The following CLCN7 variants were observed in gnomAD, a reference collection of about 807,000 sequenced individuals.
CLCN7 encodes H(+)/Cl(-) exchange transporter 7.
Under a neutral mutation model 102.1 loss-of-function variants are expected in CLCN7, and 60 were observed. The observed-to-expected ratio is 0.59, with a 90% CI of 0.48 to 0.73. The LOEUF is 0.73. CLCN7 is among the 30% of genes least tolerant of loss of function. The pLI is 0.00. For missense variants in CLCN7, 962 were observed against 1,125.7 expected, an observed-to-expected ratio of 0.85 and a Z score of 2.08; for synonymous variants, 560 against 490.5, an observed-to-expected ratio of 1.14 and a Z score of -1.87.
At chr16:1,450,708 C>A in intron 16 of CLCN7, 42 bp from the exon 17 acceptor site, 1 of 1,191,550 alleles carries the variant, frequency 8.4e-7, no homozygotes. Flanking sequence ...ACGACTCCCG[C>A]CTCCGCAGGA....
chr16:1,474,655 C>T (rs1350455013), intron 1 of CLCN7, among the ~76,000 whole-genome samples, 179 bp downstream of exon 1: 1 of 151,922 alleles, frequency 6.6e-6, no homozygotes, highest in African/African-American at 2.4e-5. Context: ...AGACTCCAGA[C>T]CCCAGGCGCC....
At chr16:1,465,217 G>A (rs746292674) in intron 2 of CLCN7, 50 bp downstream of exon 2, 3 of 1,568,694 alleles carry the variant, frequency 1.9e-6, no homozygotes, top group Non-Finnish European at 1.8e-6. Context: ...GTCACCCTCT[G>A]CTAAGATGCA....
intron 1 of CLCN7, chr16:1,471,563 G>C (rs1029077665): frequency 6.6e-6 from 1 of 152,274 alleles, no homozygotes; most frequent in East Asian, 1.9e-4. Flanking sequence ...GGACAGGAAA[G>C]TCACAACGAA....
intron 12 of CLCN7, among the ~76,000 whole-genome samples, chr16:1,454,760 C>A (rs751488031): frequency 1.3e-5 from 2 of 152,214 alleles, no homozygotes; most frequent in African/African-American, 4.8e-5. Flanking sequence ...CAGTTTCCTG[C>A]GCACAGAGCC....
At chr16:1,453,013 G>GTT in intron 14 of CLCN7, 120 bp from the exon 15 acceptor site, 1 of 1,417,484 alleles carries the variant, frequency 7.1e-7, no homozygotes, top group South Asian at 1.2e-5. Flanking sequence ...TTGTTTGTTT[G>GTT]TTTTTGTTTT....
chr16:1,446,700 G>A lies in CLCN7; in HGVS notation c.2349C>T (p.Thr783=), dbSNP rs1481060240. The change falls in exon 25 of 25, where the codon ACC becomes ACT. Residue 783 remains threonine (T), a synonymous_variant. Coordinates refer to ENST00000382745, the MANE Select transcript of CLCN7 (RefSeq NM_001287.6). ...DNRNQVVGLV[T]RKDLARYRLG... is the part of the protein sequence containing the mutation. ...GGCGGTACCTGGCGAGGTCCTTCCT[G>A]GTCACCAACCCGACAACCTGCAGGA... is the stretch of plus-strand genomic sequence containing the variant. The A allele has an allele frequency of 1.3e-6, 2 of 1,589,652 alleles. No individual in the cohort carries two copies. The highest frequency in any genetic ancestry group is 3.5e-5 in the Admixed American group (2 of 57,734).
intron 1 of CLCN7, among the ~76,000 whole-genome samples, chr16:1,468,232 C>T (rs571098925): frequency 9.0e-4 from 137 of 152,346 alleles, no homozygotes; most frequent in African/African-American, 3.1e-3. Flanking sequence ...TGCATTCAGG[C>T]CAAGGTGAAG....
At chr16:1,449,622 A>G (rs904949165) in intron 17 of CLCN7, 1 of 491,796 alleles carries the variant, frequency 2.0e-6, no homozygotes, top group African/African-American at 2.3e-5. Flanking sequence ...ACCGTCCAGC[A>G]TGAGGAGTGA....
rs1156618681 is a variant in CLCN7, at chr16:1,460,937, C to T, written c.363G>A (p.Thr121=). The T allele has an allele frequency of 1.4e-5, 23 of 1,613,392 alleles. No homozygotes were observed. Among genetic ancestry groups the T allele is most frequent in the South Asian group, 5.5e-5 (5 of 91,084 alleles). The part of the protein sequence containing the change: ...ERRINHTAFR[T]VEIKRWVICA... ...AGATGACCCAGCGCTTGATCTCCAC[C>T]GTCCGGAAGGCCTGCAGGGCGCGGT... is the stretch of plus-strand genomic sequence containing the variant. The change falls in exon 5 of 25, where the codon ACG becomes ACA. Residue 121 remains threonine, a synonymous_variant. Transcript: ENST00000382745.
chr16:1,456,173 G>A lies in CLCN7; in HGVS notation c.856C>T (p.Arg286Trp), dbSNP rs1291061962. ...FEYFRRDTEKRDFVSAGAAAG... is the reference protein window; with the variant it reads ...FEYFRRDTEKWDFVSAGAAAG... Reference sequence around the variant, plus strand: ...GCAGCCCCTGCGGAGACGAAGTCCCGCTTCTCTGTGTCTCTGCGGAAGTAC... The same window carrying A: ...GCAGCCCCTGCGGAGACGAAGTCCCACTTCTCTGTGTCTCTGCGGAAGTAC... Residue 286 changes from arginine (R) to tryptophan (W), a missense_variant, in exon 10 of 25, where the codon CGG becomes TGG. Around this residue, in one of 2 missense-constraint regions of CLCN7, gnomAD observed 799 missense variants for 988.0 expected, o/e 0.81. Coordinates refer to ENST00000382745, the MANE Select transcript of CLCN7 (RefSeq NM_001287.6). The A allele has an allele frequency of 1.9e-6, 3 of 1,567,740 alleles. No individual in the cohort carries two copies. Among genetic ancestry groups the A allele is most frequent in the Non-Finnish European group, 2.6e-6 (3 of 1,155,622 alleles).
At chr16:1,464,724 G>A (rs536181003) in intron 2 of CLCN7, among the ~76,000 whole-genome samples, 75 of 152,294 alleles carry the variant, frequency 4.9e-4, no homozygotes, top group Non-Finnish European at 7.6e-4. Context: ...CAGGAGTCCC[G>A]CACAGACATC....
chr16:1,447,801 T>C (rs1397427325), intron 21 of CLCN7, 87 bp from the exon 22 acceptor site: 4 of 1,427,968 alleles, frequency 2.8e-6, no homozygotes, highest in Non-Finnish European at 3.8e-6. Flanking sequence ...TCTGACCCTG[T>C]TCCGGCCAGA....
intron 23 of CLCN7, 137 bp from the exon 24 acceptor site, chr16:1,447,223 C>T: frequency 1.7e-6 from 2 of 1,162,090 alleles, no homozygotes; most frequent in Admixed American, 2.0e-5. Flanking sequence ...GGCCAGCCCC[C>T]TCAGCCCCTT....
chr16:1,466,333 C>T (rs1483067835), intron 1 of CLCN7, among the ~76,000 whole-genome samples: 2 of 152,204 alleles, frequency 1.3e-5, no homozygotes, highest in African/African-American at 2.4e-5. Flanking sequence ...TCCTCAGGCT[C>T]GGCCTCCCGC....
At chr16:1,458,767 C>T (rs2142384749) in intron 7 of CLCN7, among the ~76,000 whole-genome samples, 1 of 152,350 alleles carries the variant, frequency 6.6e-6, no homozygotes, top group South Asian at 2.1e-4. Context: ...CGGGAAACTG[C>T]TACACGCCCA....
rs749075927 is a variant in CLCN7 at position 1,452,776 on chromosome 16, G to A, written c.1332C>T (p.Gly444=). ...SSRDCQPLQG[G]SMSYPLQLFC... is the part of the protein sequence containing the mutation. ...CCACCTGCAGCGGGTAGGACATGGA[G>A]CCCCCCTGCAGGGGCTGGCAATCCC... The change falls in exon 15 of 25, where the codon GGC becomes GGT. Residue 444 remains glycine, a synonymous_variant. Coordinates refer to ENST00000382745, the MANE Select transcript of CLCN7 (RefSeq NM_001287.6). 7.5e-6 allele frequency: 12 copies of A among 1,604,500 alleles called. No homozygotes were observed. Among genetic ancestry groups the A allele is most frequent in the Non-Finnish European group, 9.4e-6 (11 of 1,176,232 alleles).
intron 4 of CLCN7, 63 bp from the exon 5 acceptor site, chr16:1,461,011 A>T: frequency 6.3e-7 from 1 of 1,590,990 alleles, no homozygotes; most frequent in Non-Finnish European, 8.5e-7. Flanking sequence ...TGGCAGCAGC[A>T]GGACCGCCCA....
chr16:1,469,952 A>G (rs1239846989), intron 1 of CLCN7, among the ~76,000 whole-genome samples: 1 of 152,260 alleles, frequency 6.6e-6, no homozygotes, highest in African/African-American at 2.4e-5. Context: ...GAAATAAGCC[A>G]GTCAGAAAAA....
intron 1 of CLCN7, among the ~76,000 whole-genome samples, chr16:1,468,732 C>A (rs1375605465): frequency 1.6e-5 from 2 of 125,890 alleles, no homozygotes; most frequent in African/African-American, 6.0e-5. Flanking sequence ...ATAGCCTGCA[C>A]CCCCTTCCTG....
Sources: gnomAD v4.1 joint callset for allele counts (sites outside exome capture counted in the v4.1 genomes callset) on GRCh38, gnomAD v4.1.1 for gene constraint, gnomAD v4.1.1 regional missense constraint, MANE v1.5 for transcripts, NCBI Gene and HGNC (gene_info 2026-07-23, HGNC 2026-07-21) for gene names.